The following C8orf33 variants were observed in gnomAD, a reference collection of about 807,000 sequenced individuals.
C8orf33 encodes the protein UPF0488 protein C8orf33.
Under a neutral mutation model 25.7 loss-of-function variants are expected in C8orf33, and 28 were observed. That is an observed-to-expected ratio of 1.09 (90% confidence interval 0.81 to 1.49). C8orf33 has a LOEUF of 1.49. Among genes scored for constraint, C8orf33 ranks in the 40% most tolerant of loss-of-function variants. The pLI is 0.00. For synonymous variants in C8orf33, 153 were observed against 115.9 expected, an observed-to-expected ratio of 1.32 and a Z score of -2.06; for missense variants, 369 against 294.4, an observed-to-expected ratio of 1.25 and a Z score of -1.85.
rs933188513 is a variant in C8orf33 at position 145,055,916 on chromosome 8, C to T, written c.*1759C>T. ...ATTGGAGATGGTTCACATTCCTTAC[C>T]CTGCCCCTTTGTCTTATATCCAATA... On this transcript the variant is annotated 3_prime_UTR_variant, in exon 5 of 5. Transcript: ENST00000331434. The T allele has an allele frequency of 2.1e-5, 4 of 188,500 alleles. No individual in the cohort carries two copies. Among genetic ancestry groups the T allele is most frequent in the Non-Finnish European group, 4.3e-5 (4 of 94,052 alleles). The allele number at this position is 188,500 out of a possible 1,614,324, so 11.7% of individuals were successfully genotyped here. A position where few individuals can be genotyped will look rare whatever the true frequency, so the allele number is the denominator to read the frequency against.
At chr8:145,053,991 G>C in intron 4 of C8orf33, 27 bp from the exon 5 acceptor site, 7 of 1,611,124 alleles carry the variant, frequency 4.3e-6, no homozygotes, top group Non-Finnish European at 5.1e-6. Context: ...ATTCAGTTCT[G>C]ACATACGCTG....
chr8:145,055,983 C>A lies in C8orf33; in HGVS notation c.*1826C>A. 1 of 222,972 alleles carries A rather than the reference C, an allele frequency of 4.5e-6. No homozygotes were observed. The highest frequency in any genetic ancestry group is 8.7e-6 in the Non-Finnish European group (1 of 114,900). 13.8% of individuals were successfully genotyped at this position (222,972 alleles called of 1,614,324 possible). A position where few individuals can be genotyped will look rare whatever the true frequency, so the allele number is the denominator to read the frequency against. On this transcript the variant is annotated 3_prime_UTR_variant, in exon 5 of 5. Transcript: ENST00000331434. ...GGCATTTGGGGCCACTACTGGTCTC[C>A]GCGTCTTGGTGGTAGTGGTCCCCCA...
rs372443387 is a variant in C8orf33 at position 145,054,619 on chromosome 8, A to C, written c.*462A>C. The C allele has an allele frequency of 3.2e-5, 5 of 156,012 alleles. No homozygotes were observed. The highest frequency in any genetic ancestry group is 1.2e-4 in the African/African-American group (5 of 41,436). The allele number at this position is 156,012 out of a possible 1,614,324, so 9.7% of individuals were successfully genotyped here. On this transcript the variant is annotated 3_prime_UTR_variant, in exon 5 of 5. Coordinates refer to ENST00000331434, the MANE Select transcript of C8orf33 (RefSeq NM_023080.3). ...CTATTTTTGATAAAATTGGATAAGG[A>C]GTGAAAGAGTATGCTGACCACCTAT...
chr8:145,052,602 C>T lies in C8orf33; in HGVS notation c.23C>T (p.Ala8Val), dbSNP rs767930297. MAALGHL[A>V]GEAAAAPGPG... ...TTTCTCCAGGCCCTGGGACATCTTG[C>T]TGGGGAGGCAGCGGCGGCCCCAGGC... Residue 8 changes from alanine to valine, a missense_variant, in exon 2 of 5, where the codon GCT (alanine) becomes GTT (valine). By Grantham distance (64) the Ala-to-Val change is moderately conservative. Coordinates refer to ENST00000331434, the MANE Select transcript of C8orf33 (RefSeq NM_023080.3). The T allele has an allele frequency of 5.0e-6, 8 of 1,607,440 alleles. No individual in the cohort carries two copies. In the Admixed American group the frequency reaches 5.0e-5, roughly 10 times the overall value.
In C8orf33 at chr8:145,052,496, C is replaced by T. The variant is rs1486745401; in HGVS notation, c.5C>T (p.Ala2Val). Residue 2 changes from alanine to valine, a missense_variant and splice_region_variant, in exon 1 of 5, where the codon GCG becomes GTG. By Grantham distance (64) the Ala-to-Val change is moderately conservative. Coordinates refer to ENST00000331434, the MANE Select transcript of C8orf33 (RefSeq NM_023080.3). M[A>V]ALGHLAGEAA... ...TTCCGGTGGCGACTGCGGCGCATGG[C>T]GGTGAGCGGTGTGGAGAAGACGCGC... 2.5e-6 allele frequency: 4 copies of T among 1,599,062 alleles called. No homozygotes were observed. Among genetic ancestry groups the T allele is most frequent in the East Asian group, 2.2e-5 (1 of 44,844 alleles).
chr8:145,054,151 C>A lies in C8orf33; in HGVS notation c.684C>A (p.Phe228Leu). The A allele has an allele frequency of 6.2e-7, 1 of 1,614,006 alleles. No homozygotes were observed. Among genetic ancestry groups the A allele is most frequent in the African/African-American group, 1.3e-5 (1 of 75,032 alleles). Residue 228 changes from phenylalanine (F) to leucine (L), a missense_variant, in exon 5 of 5, where the codon TTC becomes TTA. Transcript: ENST00000331434. ...DMPDEEFRFN[F>L]F ...CTGATGAAGAGTTTAGGTTCAATTT[C>A]TTTTAGCGTCTCCCCGAACCTGAAA...
In C8orf33 at chr8:145,054,112, C is replaced by T. The variant is rs577664723; in HGVS notation, c.645C>T (p.Ala215=). The T allele has an allele frequency of 1.9e-6, 3 of 1,614,202 alleles. No individual in the cohort carries two copies. The highest frequency in any genetic ancestry group is 3.3e-5 in the Admixed American group (2 of 60,028). ...CTCGCTCTATATGGAGAGCCAAAGC[C>T]ACTCTGGACATGCCTGATGAAGAGT... ...CRPRSIWRAK[A]TLDMPDEEFR... is the part of the protein sequence containing the mutation. The change falls in exon 5 of 5, where the codon GCC becomes GCT. Residue 215 remains alanine, a synonymous_variant. Transcript: ENST00000331434.
At chr8:145,053,836 C>G (rs868226072) in intron 4 of C8orf33, 182 bp from the exon 5 acceptor site, 5 of 761,168 alleles carry the variant, frequency 6.6e-6, no homozygotes, top group Middle Eastern at 7.5e-4. Flanking sequence ...AGTACTAACA[C>G]CTTTTGCAAA....
chr8:145,054,317 TCA>T lies in C8orf33; in HGVS notation c.*161_*162del, dbSNP rs1835324980. 1.4e-6 allele frequency: 1 copy of T among 709,746 alleles called. No individual in the cohort carries two copies. The highest frequency in any genetic ancestry group is 2.3e-6 in the Non-Finnish European group (1 of 443,580). 44.0% of individuals were successfully genotyped at this position (709,746 alleles called of 1,614,324 possible). A position where few individuals can be genotyped will look rare whatever the true frequency, so the allele number is the denominator to read the frequency against. On this transcript the variant is annotated 3_prime_UTR_variant, in exon 5 of 5. Coordinates refer to ENST00000331434, the MANE Select transcript of C8orf33 (RefSeq NM_023080.3). The stretch of plus-strand genomic sequence containing the variant: ...TAGCTGTTGTGAAGGTGTGAGACCA[TCA>T]GATAGGCAAAAGACCCCGTTCGTTT...
At chr8:145,052,520 G>T in intron 1 of C8orf33, 23 bp downstream of exon 1, 2 of 1,600,218 alleles carry the variant, frequency 1.2e-6, no homozygotes, top group Non-Finnish European at 1.7e-6. Context: ...GAGAAGACGC[G>T]CGGGTGGCTG....
Position 145,054,199 on chromosome 8 carries a change from T to C in C8orf33, c.*42T>C, listed in dbSNP as rs1483920465. The C allele has an allele frequency of 6.2e-7, 1 of 1,602,590 alleles. No individual in the cohort carries two copies. The highest frequency in any genetic ancestry group is 1.1e-5 in the South Asian group (1 of 89,948). The stretch of plus-strand genomic sequence containing the variant: ...AAACAATCCCCCTCCCTTGGGGTGG[T>C]GTAGGGGTTTGTTTTGAGTGCAGAG... On this transcript the variant is annotated 3_prime_UTR_variant, in exon 5 of 5. Transcript: ENST00000331434.
intron 1 of C8orf33, 31 bp from the exon 2 acceptor site, chr8:145,052,555 G>T (rs369663195): frequency 1.9e-6 from 3 of 1,600,954 alleles, no homozygotes; most frequent in Non-Finnish European, 2.5e-6. Context: ...GGCGGCTCTC[G>T]GTGACCCTCG....
Position 145,054,277 on chromosome 8 carries a change from T to A in C8orf33, c.*120T>A. ...ACCCTGGAGTTGGTCTGTCCCTGGC[T>A]GGTCCAAGGATTTGTAGCTGTTGTG... is the stretch of plus-strand genomic sequence containing the variant. On this transcript the variant is annotated 3_prime_UTR_variant, in exon 5 of 5. Transcript: ENST00000331434. 1 of 1,173,204 alleles carries A rather than the reference T, an allele frequency of 8.5e-7. No individual in the cohort carries two copies. Among genetic ancestry groups the A allele is most frequent in the Non-Finnish European group, 1.2e-6 (1 of 834,706 alleles). The allele number at this position is 1,173,204 out of a possible 1,614,324, so 72.7% of individuals were successfully genotyped here.
Position 145,053,345 on chromosome 8 carries a change from C to T in C8orf33, c.452C>T (p.Pro151Leu), listed in dbSNP as rs1563954616. Residue 151 changes from proline to leucine, a missense_variant, in exon 4 of 5, where the codon CCC (proline) becomes CTC (leucine). Coordinates refer to ENST00000331434, the MANE Select transcript of C8orf33 (RefSeq NM_023080.3). ...AIRTLRSKRTPLPRKRQLMHS... is the reference protein window; with the variant it reads ...AIRTLRSKRTLLPRKRQLMHS... ...CGAACCCTGCGCAGCAAAAGAACGCCCTTGCCCCGGAAGAGGCAGCTGATG... is the reference window on the plus strand; with the variant it reads ...CGAACCCTGCGCAGCAAAAGAACGCTCTTGCCCCGGAAGAGGCAGCTGATG... 6.2e-7 allele frequency: 1 copy of T among 1,614,096 alleles called. No homozygotes were observed. Among genetic ancestry groups the T allele is most frequent in the Admixed American group, 1.7e-5 (1 of 60,006 alleles).
intron 4 of C8orf33, chr8:145,053,812 A>G (rs754011045): frequency 1.1e-4 from 71 of 645,152 alleles, no homozygotes; most frequent in Non-Finnish European, 1.6e-4. Context: ...CAAATCCTGG[A>G]TCTACCACAT....
Position 145,054,186 on chromosome 8 carries a change from T to G in C8orf33, c.*29T>G, listed in dbSNP as rs375598944. The G allele has an allele frequency of 9.1e-5, 146 of 1,611,418 alleles. No individual in the cohort carries two copies. The highest frequency in any genetic ancestry group is 1.5e-4 in the Admixed American group (9 of 59,728). Reference sequence around the variant, plus strand: ...CTCCCCGAACCTGAAACAATCCCCCTCCCTTGGGGTGGTGTAGGGGTTTGT... The same window carrying G: ...CTCCCCGAACCTGAAACAATCCCCCGCCCTTGGGGTGGTGTAGGGGTTTGT... On this transcript the variant is annotated 3_prime_UTR_variant, in exon 5 of 5. Coordinates refer to ENST00000331434, the MANE Select transcript of C8orf33 (RefSeq NM_023080.3).
rs750258763 is a variant in C8orf33, at chr8:145,052,822, C to A, written c.243C>A (p.Ala81=). 1 of 1,613,934 alleles carries A rather than the reference C, an allele frequency of 6.2e-7. No homozygotes were observed. The highest frequency in any genetic ancestry group is 1.7e-5 in the Admixed American group (1 of 60,010). Reference sequence around the variant, plus strand: ...ATAAGAAGAAAACGCGGAACAGGGCCTCTGTGGCAAATGGAGGCGAGAAGG... The same window carrying A: ...ATAAGAAGAAAACGCGGAACAGGGCATCTGTGGCAAATGGAGGCGAGAAGG... ...QKNKKKTRNR[A]SVANGGEKAS... is the part of the protein sequence containing the mutation. The change falls in exon 2 of 5, where the codon GCC becomes GCA. Residue 81 remains alanine, a synonymous_variant. Transcript: ENST00000331434.
At position 145,052,573 on chromosome 8, in the gene C8orf33, C is replaced by G. The variant is rs1300629057; in HGVS notation, c.7-13C>G. On this transcript the variant is annotated splice_polypyrimidine_tract_variant and intron_variant, in intron 1 of 4. Coordinates refer to ENST00000331434, the MANE Select transcript of C8orf33 (RefSeq NM_023080.3). ...GGCTCTCGGTGACCCTCGTGCTACC[C>G]CCCTTTCTCCAGGCCCTGGGACATC... 1 of 1,602,820 alleles carries G rather than the reference C, an allele frequency of 6.2e-7. No individual in the cohort carries two copies.
Position 145,052,965 on chromosome 8 carries a change from G to A in C8orf33, c.318+68G>A, listed in dbSNP as rs1382448183. The A allele has an allele frequency of 3.7e-6, 6 of 1,602,304 alleles. No individual in the cohort carries two copies. The Admixed American group carries it at 5.2e-5, about 14-fold the overall frequency. Reference sequence around the variant, plus strand: ...CGAATCCACGGGCACGTGTGATCTGGGGTCCGCGGAGTTAAGGCGGGGAGG... The same window carrying A: ...CGAATCCACGGGCACGTGTGATCTGAGGTCCGCGGAGTTAAGGCGGGGAGG... On this transcript the variant is annotated intron_variant, in intron 2 of 4. Coordinates refer to ENST00000331434, the MANE Select transcript of C8orf33 (RefSeq NM_023080.3).
Sources: allele counts gnomAD v4.1 joint callset, GRCh38; gene constraint gnomAD v4.1.1; transcripts MANE v1.5; gene names NCBI Gene and HGNC (gene_info 2026-07-23, HGNC 2026-07-21).